MSI2: variants seen among roughly 807,000 people sequenced by gnomAD.
MSI2 encodes musashi RNA binding protein 2.
In MSI2, 17 loss-of-function variants were observed where a neutral mutation model predicts 45.6. The ratio of observed to expected loss-of-function variants is 0.37; its 90% CI spans 0.26 to 0.56. The LOEUF (loss-of-function observed/expected upper bound fraction) is 0.56, where lower values mean the gene tolerates loss of function less well. Ranked by LOEUF, MSI2 falls within the 20% of genes least tolerant of loss-of-function variation. MSI2 has a pLI of 0.77. For synonymous variants in MSI2, 156 were observed against 158.2 expected (o/e 0.99, Z 0.11); for missense variants, 293 against 444.2 (o/e 0.66, Z 3.06).
At chr17:57,563,696 T>C (rs2087645909) in intron 7 of MSI2, among the ~76,000 whole-genome samples, 1 of 150,228 alleles carries the variant, frequency 6.7e-6, no homozygotes, top group African/African-American at 2.5e-5. Flanking sequence ...TGTCTGTCTG[T>C]CTGTCTGTCT....
At chr17:57,270,350 G>A (rs1042870507) in intron 5 of MSI2, among the ~76,000 whole-genome samples, 3 of 152,180 alleles carry the variant, frequency 2.0e-5, no homozygotes, top group Admixed American at 1.3e-4. Context: ...AAGGTTCAGG[G>A]TTGGCCTTTG....
intron 6 of MSI2, among the ~76,000 whole-genome samples, chr17:57,489,554 G>A (rs746219912): frequency 2.0e-5 from 3 of 152,218 alleles, no homozygotes; most frequent in Non-Finnish European, 2.9e-5. Context: ...GACAGAGGCC[G>A]GCGGGGCCAG....
At chr17:57,514,005 A>T (rs998989600) in intron 6 of MSI2, among the ~76,000 whole-genome samples, 3 of 152,200 alleles carry the variant, frequency 2.0e-5, no homozygotes, top group African/African-American at 7.2e-5. Context: ...ATTTCCTTTT[A>T]TTTATTTTTA....
At chr17:57,590,090 A>G (rs925148193) in intron 7 of MSI2, among the ~76,000 whole-genome samples, 2 of 152,214 alleles carry the variant, frequency 1.3e-5, no homozygotes, top group South Asian at 2.1e-4. Flanking sequence ...TAAATTTCTC[A>G]TGGGATACCC....
chr17:57,376,295 G>A (rs973017563), intron 5 of MSI2, among the ~76,000 whole-genome samples: 1 of 152,160 alleles, frequency 6.6e-6, no homozygotes, highest in Non-Finnish European at 1.5e-5. Context: ...ATGAGGAAAC[G>A]AAGGCTCAAA....
chr17:57,498,566 T>C (rs962290130), intron 6 of MSI2, among the ~76,000 whole-genome samples: 1 of 152,170 alleles, frequency 6.6e-6, no homozygotes, highest in Non-Finnish European at 1.5e-5. Flanking sequence ...CATGTCCACA[T>C]TCTTATGCCT....
At chr17:57,410,903 G>C (rs1036647111) in intron 6 of MSI2, among the ~76,000 whole-genome samples, 3 of 152,228 alleles carry the variant, frequency 2.0e-5, no homozygotes, top group Admixed American at 2.0e-4. Context: ...AATGACAAGG[G>C]TATGGAAAGC....
intron 6 of MSI2, among the ~76,000 whole-genome samples, chr17:57,468,289 G>A (rs1408372359): frequency 6.6e-6 from 1 of 151,438 alleles, no homozygotes; most frequent in East Asian, 2.0e-4. Flanking sequence ...CACTTTGGGA[G>A]GCCGAGACGG....
At chr17:57,452,007 G>C (rs904177862) in intron 6 of MSI2, among the ~76,000 whole-genome samples, 1 of 152,198 alleles carries the variant, frequency 6.6e-6, no homozygotes, top group Non-Finnish European at 1.5e-5. Context: ...TTTGCTGACC[G>C]TTCTCAGGGG....
chr17:57,307,914 T>TA (rs946362262), intron 5 of MSI2, among the ~76,000 whole-genome samples: 1 of 152,246 alleles, frequency 6.6e-6, no homozygotes, highest in Admixed American at 6.5e-5. Context: ...TCTTGGACCA[T>TA]AACCTGTATG....
At chr17:57,637,458 C>A (rs186010380) in intron 10 of MSI2, among the ~76,000 whole-genome samples, 1 of 152,188 alleles carries the variant, frequency 6.6e-6, no homozygotes, top group South Asian at 2.1e-4. Context: ...TCTGAATTGA[C>A]GAGAATTGTG....
intron 5 of MSI2, chr17:57,364,948 A>C (rs1304515674): frequency 1.3e-5 from 2 of 151,272 alleles, no homozygotes; most frequent in Non-Finnish European, 2.9e-5. Flanking sequence ...CCTCCATGGC[A>C]CAGGATTTTT....
chr17:57,415,170 G>A lies in MSI2; in HGVS notation c.405+13699G>A, dbSNP rs77435582. Among the ~76,000 whole-genome samples, 921 of 152,216 alleles carry A rather than the reference G, an allele frequency of 6.1e-3. 10 individuals carry two copies. Among genetic ancestry groups the A allele is most frequent in the African/African-American group, 0.02 (851 of 41,526 alleles). On this transcript the variant is annotated intron_variant, in intron 6 of 13. Coordinates refer to ENST00000284073, the MANE Select transcript of MSI2 (RefSeq NM_138962.4). Reference sequence around the variant, plus strand: ...GATGGGGGTACTTGGATGGGCATCGGGCAGTTTCTCTCCCAGACTTGCCGT... The same window carrying A: ...GATGGGGGTACTTGGATGGGCATCGAGCAGTTTCTCTCCCAGACTTGCCGT...
At position 57,652,652 on chromosome 17, in the gene MSI2, C is replaced by A. The variant is rs1911253410; in HGVS notation, c.790+491C>A. 1.3e-5 allele frequency among the ~76,000 whole-genome samples: 2 copies of A among 152,190 alleles called. No homozygotes were observed. The highest frequency in any genetic ancestry group is 2.1e-4 in the South Asian group (1 of 4,824). On this transcript the variant is annotated intron_variant, in intron 11 of 13. Coordinates refer to ENST00000284073, the MANE Select transcript of MSI2 (RefSeq NM_138962.4). This position sits in a 1 kb window ranked among gnomAD's most constrained non-coding sequence, Gnocchi z 4.1. The stretch of plus-strand genomic sequence containing the variant: ...CCTGAAAGCAGCCATGGGACCAGCC[C>A]TGGGCCTCAGTGAATGAAGCTGCTG...
At chr17:57,307,353 G>A (rs1912008092) in intron 5 of MSI2, among the ~76,000 whole-genome samples, 1 of 152,162 alleles carries the variant, frequency 6.6e-6, no homozygotes, top group African/African-American at 2.4e-5. Flanking sequence ...TTCCCAGGAA[G>A]AAGCAATTCT....
At chr17:57,537,574 C>T (rs1312814648) in intron 7 of MSI2, among the ~76,000 whole-genome samples, 1 of 152,234 alleles carries the variant, frequency 6.6e-6, no homozygotes, top group African/African-American at 2.4e-5. Flanking sequence ...TTAAGGATTC[C>T]TGTAGAATCT....
chr17:57,451,624 C>A (rs572985011), intron 6 of MSI2, among the ~76,000 whole-genome samples: 2 of 152,322 alleles, frequency 1.3e-5, no homozygotes, highest in Admixed American at 6.5e-5. Context: ...CTCATTCTCA[C>A]CTGCTTCTAC....
chr17:57,676,282 ACGCACACACAGG>A (rs1361255421), intron 12 of MSI2, among the ~76,000 whole-genome samples: 4 of 152,092 alleles, frequency 2.6e-5, no homozygotes, highest in Admixed American at 2.6e-4. Context: ...GCACGCACAC[ACGCACACACAGG>A]CGCACACACG....
intron 6 of MSI2, among the ~76,000 whole-genome samples, chr17:57,494,339 A>G (rs1374047944): frequency 2.0e-5 from 3 of 152,198 alleles, no homozygotes; most frequent in African/African-American, 7.2e-5. Flanking sequence ...CCCATGCCCA[A>G]CAGCCTCCAT....
Sources: allele counts gnomAD v4.1 joint callset (sites outside exome capture counted in the v4.1 genomes callset), GRCh38; gene constraint gnomAD v4.1.1; non-coding constraint Gnocchi (gnomAD v3.1); transcripts MANE v1.5; gene names NCBI Gene and HGNC (gene_info 2026-07-23, HGNC 2026-07-21).